Variants in PDE10A observed in about 807,000 individuals in gnomAD.
PDE10A encodes cAMP and cAMP-inhibited cGMP 3',5'-cyclic phosphodiesterase 10A.
PDE10A carries 39 observed loss-of-function variants against 97.7 expected under a neutral mutation model. That is an observed-to-expected ratio of 0.40 (90% CI 0.31 to 0.52). PDE10A has a LOEUF of 0.52. Among genes scored for constraint, PDE10A ranks in the 20% least tolerant of loss-of-function variants. The pLI is 0.56. For missense variants in PDE10A, 731 were observed against 1,047.8 expected (o/e 0.70, Z 4.17); for synonymous variants, 371 against 376.8 (o/e 0.98, Z 0.18).
intron 1 of PDE10A, among the ~76,000 whole-genome samples, chr6:165,823,482 T>TATATATA (rs1268328696): frequency 2.7e-5 from 1 of 37,504 alleles, no homozygotes; most frequent in African/African-American, 7.8e-5. Flanking sequence ...ATAGTTAACT[T>TATATATA]TATATATATA....
chr6:165,783,746 C>T (rs995764061), intron 1 of PDE10A, among the ~76,000 whole-genome samples: 1 of 152,130 alleles, frequency 6.6e-6, no homozygotes, highest in Non-Finnish European at 1.5e-5. Flanking sequence ...GATCTAGGAA[C>T]AAGCAATAGA....
At chr6:165,688,544 A>C (rs1791186331) in intron 1 of PDE10A, among the ~76,000 whole-genome samples, 1 of 152,144 alleles carries the variant, frequency 6.6e-6, no homozygotes, top group Non-Finnish European at 1.5e-5. Flanking sequence ...GCTTCATGAC[A>C]TGGTGCTCAG....
chr6:165,727,416 T>C (rs560132074), intron 1 of PDE10A, among the ~76,000 whole-genome samples: 82 of 152,290 alleles, frequency 5.4e-4, no homozygotes, highest in African/African-American at 1.9e-3. Context: ...GAGAGGAGGC[T>C]TTCCAGGAGC....
At position 165,662,114 on chromosome 6, in the gene PDE10A, AAGCCGGGGG is replaced by A. The variant is rs986796223; in HGVS notation, c.689_697del (p.Ser230_Gly232del). On this transcript the variant is annotated inframe_deletion, in exon 1 of 22. Coordinates refer to ENST00000539869, the MANE Select transcript of PDE10A (RefSeq NM_001385079.1). Reference sequence around the variant, plus strand: ...GCCGCCGCCTGGGCCGGCGCCGGGGAAGCCGGGGGAGCCCGCGCGGCGGGCGGCCTGGCC... The same window carrying A: ...GCCGCCGCCTGGGCCGGCGCCGGGGAAGCCCGCGCGGCGGGCGGCCTGGCC... 484 of 1,018,392 alleles carry A rather than the reference AAGCCGGGGG, an allele frequency of 4.8e-4. No individual in the cohort carries two copies. Among genetic ancestry groups the A allele is most frequent in the African/African-American group, 2.2e-3 (123 of 56,826 alleles). 63.1% of individuals were successfully genotyped at this position (1,018,392 alleles called of 1,614,324 possible).
chr6:165,770,904 G>A (rs774547133), intron 1 of PDE10A, among the ~76,000 whole-genome samples: 1 of 152,152 alleles, frequency 6.6e-6, no homozygotes, highest in Non-Finnish European at 1.5e-5. Flanking sequence ...GCCTCCACCC[G>A]GCCATTGTCC....
intron 18 of PDE10A, among the ~76,000 whole-genome samples, chr6:165,370,108 C>T (rs1037504553): frequency 3.3e-5 from 5 of 152,090 alleles, no homozygotes; most frequent in Non-Finnish European, 5.9e-5. Flanking sequence ...ACAACCGGTA[C>T]AGCCGCTGCA....
At position 165,339,366 on chromosome 6, in the gene PDE10A, G is replaced by A. The variant is rs754387675; in HGVS notation, c.2896-8C>T. On this transcript the variant is annotated splice_polypyrimidine_tract_variant and splice_region_variant and intron_variant, in intron 19 of 21. Transcript: ENST00000539869. ...TTTCTTCATTTCATCACCCTAAGAT[G>A]AATGGGGAGAAAATCATGCTTTCTC... The A allele has an allele frequency of 4.7e-6, 7 of 1,500,730 alleles. No individual in the cohort carries two copies. Among genetic ancestry groups the A allele is most frequent in the Non-Finnish European group, 6.5e-6 (7 of 1,077,374 alleles). 93.0% of individuals were successfully genotyped at this position (1,500,730 alleles called of 1,614,324 possible). A position where few individuals can be genotyped will look rare whatever the true frequency, so the allele number is the denominator to read the frequency against.
intron 1 of PDE10A, among the ~76,000 whole-genome samples, chr6:165,547,838 G>C (rs1783812525): frequency 6.6e-6 from 1 of 152,088 alleles, no homozygotes; most frequent in East Asian, 1.9e-4. Flanking sequence ...CAGTAGCATT[G>C]AGGCTACTTT....
intron 1 of PDE10A, among the ~76,000 whole-genome samples, chr6:165,738,220 A>G (rs1459630703): frequency 1.5e-5 from 2 of 134,536 alleles, no homozygotes; most frequent in African/African-American, 2.8e-5. Context: ...TGTCCATGTG[A>G]TCTCATTGTT....
intron 1 of PDE10A, among the ~76,000 whole-genome samples, chr6:165,771,064 T>G (rs1412866222): frequency 2.6e-5 from 4 of 152,234 alleles, no homozygotes; most frequent in African/African-American, 9.6e-5. Context: ...AGAATGAGGC[T>G]TTCAGGGCAG....
intron 1 of PDE10A, among the ~76,000 whole-genome samples, chr6:165,950,991 T>C (rs979125230): frequency 1.3e-5 from 2 of 152,266 alleles, no homozygotes; most frequent in African/African-American, 4.8e-5. Flanking sequence ...TTGTTTGGAA[T>C]GATAAAAATG....
chr6:165,594,762 A>G (rs761765636), intron 1 of PDE10A, among the ~76,000 whole-genome samples: 5 of 152,188 alleles, frequency 3.3e-5, no homozygotes, highest in African/African-American at 1.2e-4. Flanking sequence ...TATGGTGGAG[A>G]CATCTGGCAG....
intron 1 of PDE10A, among the ~76,000 whole-genome samples, chr6:165,622,789 C>A (rs886756393): frequency 1.3e-5 from 2 of 152,184 alleles, no homozygotes; most frequent in African/African-American, 4.8e-5. Flanking sequence ...GTCTTGTGCT[C>A]TGCCTTTGAC....
At chr6:165,846,476 T>A (rs1780422081) in intron 1 of PDE10A, among the ~76,000 whole-genome samples, 1 of 152,248 alleles carries the variant, frequency 6.6e-6, no homozygotes, top group Non-Finnish European at 1.5e-5. Flanking sequence ...AAGGCCGGCG[T>A]GAGCCTCAGG....
intron 1 of PDE10A, among the ~76,000 whole-genome samples, chr6:165,906,013 T>C (rs9459525): frequency 0.21 from 3,473 of 16,584 alleles, 305 homozygotes; most frequent in East Asian, 0.37. Flanking sequence ...CCTTCCTTCC[T>C]TCCCTCCCTC....
intron 18 of PDE10A, among the ~76,000 whole-genome samples, chr6:165,361,835 G>C (rs1783447294): frequency 6.6e-6 from 1 of 152,152 alleles, no homozygotes; most frequent in Admixed American, 6.5e-5. Flanking sequence ...CTTGATTTCA[G>C]ACTTCTGGCC....
At chr6:165,658,509 T>C (rs1367666961) in intron 1 of PDE10A, among the ~76,000 whole-genome samples, 1 of 152,212 alleles carries the variant, frequency 6.6e-6, no homozygotes, top group Non-Finnish European at 1.5e-5. Context: ...GCGGGCGTAT[T>C]TGTGGCTTCT....
At chr6:165,631,460 A>T (rs928320267) in intron 1 of PDE10A, among the ~76,000 whole-genome samples, 40 of 152,352 alleles carry the variant, frequency 2.6e-4, no homozygotes, top group Non-Finnish European at 3.4e-4. Context: ...GCATCAAGAT[A>T]TCCATCCCCT....
chr6:165,459,420 T>C (rs1236566661), intron 3 of PDE10A, among the ~76,000 whole-genome samples: 1 of 151,974 alleles, frequency 6.6e-6, no homozygotes, highest in Admixed American at 6.6e-5. Flanking sequence ...CAGTTCCCCT[T>C]AGTAGAAAAT....
Sources: allele counts gnomAD v4.1 joint callset (sites outside exome capture counted in the v4.1 genomes callset), GRCh38; gene constraint gnomAD v4.1.1; transcripts MANE v1.5; gene names NCBI Gene and HGNC (gene_info 2026-07-23, HGNC 2026-07-21).